IL1R1: variants seen among roughly 807,000 people sequenced by gnomAD.
The protein encoded by IL1R1 is interleukin-1 receptor type 1.
In IL1R1, 22 loss-of-function variants were observed where a neutral mutation model predicts 50.2. The observed-to-expected ratio is 0.44, with a 90% CI of 0.31 to 0.63. The LOEUF (loss-of-function observed/expected upper bound fraction) is 0.63. Ranked by LOEUF, IL1R1 falls within the 20% of genes least tolerant of loss-of-function variation. The pLI is 0.07. For synonymous variants in IL1R1, 251 were observed against 236.7 expected (o/e 1.06, Z -0.55); for missense variants, 509 against 676.2 (o/e 0.75, Z 2.74).
Position 102,162,358 on chromosome 2 carries a change from C to T in IL1R1, c.62-2416C>T, listed in dbSNP as rs112302042. On this transcript the variant is annotated intron_variant, in intron 3 of 11. Transcript: ENST00000410023. The stretch of plus-strand genomic sequence containing the variant: ...TTTCTTTAGCCAATCTGATCATTTC[C>T]GCCTTTCAATGAGAGTGTTTAGACT... Among the ~76,000 whole-genome samples the T allele has an allele frequency of 6.7e-3, 1,027 of 152,190 alleles. 14 individuals carry two copies. The highest frequency in any genetic ancestry group is 0.023 in the African/African-American group (940 of 41,510).
At chr2:102,142,038 T>C (rs952597201), upstream of IL1R1, 1 of 152,190 alleles carries the variant, frequency 6.6e-6, no homozygotes, top group Admixed American at 6.5e-5. Flanking sequence ...AGTTTAAAAA[T>C]TTAAAAACCC....
intron 1 of IL1R1, among the ~76,000 whole-genome samples, chr2:102,107,585 T>C (rs1680490868): frequency 6.6e-6 from 1 of 152,158 alleles, no homozygotes; most frequent in Non-Finnish European, 1.5e-5. Flanking sequence ...GGCACATGTA[T>C]ACATATGTAA....
intron 1 of IL1R1, among the ~76,000 whole-genome samples, chr2:102,095,390 GTTTTC>G (rs901884355): frequency 1.3e-5 from 2 of 152,106 alleles, no homozygotes; most frequent in African/African-American, 4.8e-5. Flanking sequence ...ATTATAAAGT[GTTTTC>G]TTTTTCTTTA....
At chr2:102,108,359 T>G (rs932089686) in intron 1 of IL1R1, among the ~76,000 whole-genome samples, 2 of 152,240 alleles carry the variant, frequency 1.3e-5, no homozygotes, top group South Asian at 2.1e-4. Context: ...TCCATTTTGT[T>G]GCTTATTTAT....
chr2:102,174,819 GA>G (rs1222677059), intron 10 of IL1R1, 89 bp downstream of exon 10: 1 of 1,092,500 alleles, frequency 9.2e-7, no homozygotes, highest in African/African-American at 1.6e-5. Flanking sequence ...TTTTTACTAA[GA>G]GGGTTTCTAA....
chr2:102,104,376 A>G (rs1225785824), upstream of IL1R1, among the ~76,000 whole-genome samples: 6 of 152,200 alleles, frequency 3.9e-5, no homozygotes, highest in Non-Finnish European at 7.3e-5. Context: ...AATGAGCTGG[A>G]TTCAGCCAGC....
upstream of IL1R1, among the ~76,000 whole-genome samples, chr2:102,101,398 G>A (rs557469610): frequency 2.6e-4 from 39 of 152,292 alleles, 1 homozygote; most frequent in East Asian, 7.3e-3. Context: ...GCTGGACTTA[G>A]GAAAGCAGAA....
intron 1 of IL1R1, among the ~76,000 whole-genome samples, chr2:102,111,246 C>T (rs1471064783): frequency 2.0e-5 from 3 of 152,142 alleles, no homozygotes; most frequent in East Asian, 1.9e-4. Flanking sequence ...TGTAAATTCT[C>T]ACCTGAATAA....
intron 1 of IL1R1, among the ~76,000 whole-genome samples, chr2:102,106,746 C>T (rs1165058200): frequency 1.3e-5 from 2 of 152,250 alleles, no homozygotes; most frequent in African/African-American, 2.4e-5. Flanking sequence ...ACATGCTTTT[C>T]GGTTATCTGC....
At chr2:102,159,253 T>A (rs1300580776) in intron 3 of IL1R1, among the ~76,000 whole-genome samples, 1 of 152,204 alleles carries the variant, frequency 6.6e-6, no homozygotes, top group Non-Finnish European at 1.5e-5. Context: ...TGAGACTGAA[T>A]GGGATCATGG....
chr2:102,123,551 A>C (rs1163885979), intron 1 of IL1R1, among the ~76,000 whole-genome samples: 1 of 152,162 alleles, frequency 6.6e-6, no homozygotes, highest in Non-Finnish European at 1.5e-5. Context: ...CAAGGCAGAC[A>C]GATCACCTGA....
At chr2:102,121,170 A>G (rs1681384807) in intron 1 of IL1R1, among the ~76,000 whole-genome samples, 1 of 152,080 alleles carries the variant, frequency 6.6e-6, no homozygotes, top group Non-Finnish European at 1.5e-5. Context: ...ACTGTATGCC[A>G]TTGACCCAGG....
chr2:102,124,236 A>C (rs1008766841), intron 1 of IL1R1, among the ~76,000 whole-genome samples: 1 of 152,152 alleles, frequency 6.6e-6, no homozygotes, highest in African/African-American at 2.4e-5. Context: ...AGCCTGGGCA[A>C]CATGGTGAAA....
chr2:102,076,367 C>T (rs953536681), intron 1 of IL1R1, among the ~76,000 whole-genome samples: 18 of 152,010 alleles, frequency 1.2e-4, no homozygotes, highest in African/African-American at 2.9e-4. Context: ...TTAGTAGAGA[C>T]GGGGTTTCAC....
chr2:102,107,351 A>G (rs920912550), intron 1 of IL1R1, among the ~76,000 whole-genome samples: 7 of 152,156 alleles, frequency 4.6e-5, no homozygotes, highest in Admixed American at 6.5e-5. Context: ...AGGGACATGG[A>G]TGAAGCTGGA....
At chr2:102,092,582 C>T (rs1377128090) in intron 1 of IL1R1, among the ~76,000 whole-genome samples, 1 of 152,144 alleles carries the variant, frequency 6.6e-6, no homozygotes, top group Non-Finnish European at 1.5e-5. Flanking sequence ...TTCATTTCCT[C>T]ATTAATGAGC....
chr2:102,168,397 C>G (rs980836438), intron 6 of IL1R1, among the ~76,000 whole-genome samples: 1 of 152,186 alleles, frequency 6.6e-6, no homozygotes, highest in Admixed American at 6.5e-5. Context: ...TCTAGCTCTA[C>G]CCCGGGATTC....
At chr2:102,121,072 G>T (rs1352083428) in intron 1 of IL1R1, among the ~76,000 whole-genome samples, 2 of 152,138 alleles carry the variant, frequency 1.3e-5, no homozygotes, top group African/African-American at 4.8e-5. Context: ...CTCTTAGGCT[G>T]TCATCATGGA....
At chr2:102,132,684 T>C (rs1289959158) in intron 1 of IL1R1, among the ~76,000 whole-genome samples, 1 of 152,056 alleles carries the variant, frequency 6.6e-6, no homozygotes, top group Non-Finnish European at 1.5e-5. Flanking sequence ...AGAAGATCAA[T>C]AAAATTGATA....
Sources: allele counts gnomAD v4.1 joint callset (sites outside exome capture counted in the v4.1 genomes callset), GRCh38; gene constraint gnomAD v4.1.1; transcripts MANE v1.5; gene names NCBI Gene and HGNC (gene_info 2026-07-23, HGNC 2026-07-21).